The following RNF19B variants were observed in gnomAD, a reference collection of about 807,000 sequenced individuals.
RNF19B encodes the protein E3 ubiquitin-protein ligase RNF19B.
RNF19B carries 23 observed loss-of-function variants against 65.5 expected under a neutral mutation model. The ratio of observed to expected loss-of-function variants is 0.35; its 90% CI spans 0.25 to 0.50. RNF19B has a LOEUF of 0.50. RNF19B is among the 20% of genes least tolerant of loss of function. RNF19B has a pLI of 0.98. For missense variants in RNF19B, 794 were observed against 980.0 expected, an observed-to-expected ratio of 0.81 and a Z score of 2.53; for synonymous variants, 372 against 379.6, an observed-to-expected ratio of 0.98 and a Z score of 0.23.
chr1:32,934,249 A>G (rs1642062726), downstream of RNF19B, among the ~76,000 whole-genome samples: 1 of 152,198 alleles, frequency 6.6e-6, no homozygotes, highest in African/African-American at 2.4e-5. Flanking sequence ...CATTGTAGTA[A>G]AACACTGGCC....
At position 32,964,317 on chromosome 1, in the gene RNF19B, C is replaced by T; in HGVS notation, c.369G>A (p.Leu123=). ...GAEEVECPLC[L]VRLPPERAPR... ...GGGCCCGCTCAGGCGGCAGCCGCACCAGGCACAGCGGACACTCCACCTCCT... is the reference window on the plus strand; with the variant it reads ...GGGCCCGCTCAGGCGGCAGCCGCACTAGGCACAGCGGACACTCCACCTCCT... The change falls in exon 1 of 9, where the codon CTG becomes CTA. Residue 123 remains leucine, a synonymous_variant. Transcript: ENST00000235150. This position sits in a 1 kb window ranked among gnomAD's most constrained non-coding sequence, Gnocchi z 6.5. The T allele has an allele frequency of 6.6e-7, 1 of 1,509,898 alleles. No homozygotes were observed. The highest frequency in any genetic ancestry group is 8.8e-7 in the Non-Finnish European group (1 of 1,135,290). The allele number at this position is 1,509,898 out of a possible 1,614,324, so 93.5% of individuals were successfully genotyped here.
At chr1:32,955,782 T>C (rs1642624977) in intron 1 of RNF19B, among the ~76,000 whole-genome samples, 1 of 151,200 alleles carries the variant, frequency 6.6e-6, no homozygotes, top group Non-Finnish European at 1.5e-5. Flanking sequence ...AAATACCTCA[T>C]CCTTGAAACC....
At chr1:32,949,266 T>C (rs115745080) in intron 2 of RNF19B, among the ~76,000 whole-genome samples, 1,845 of 152,336 alleles carry the variant, frequency 0.012, 36 homozygotes, top group African/African-American at 0.042. Flanking sequence ...ATGAAAGTTT[T>C]GAAAAAGCCC....
chr1:32,940,404 C>T (rs988078600), intron 7 of RNF19B, among the ~76,000 whole-genome samples: 1 of 152,152 alleles, frequency 6.6e-6, no homozygotes, highest in East Asian at 1.9e-4. Flanking sequence ...ATCCAGTCCA[C>T]CTGCCATCTG....
rs1208819805 is a variant in RNF19B, at chr1:32,964,348, C to T, written c.338G>A (p.Gly113Asp). 2.1e-6 allele frequency: 3 copies of T among 1,433,460 alleles called. No individual in the cohort carries two copies. Among genetic ancestry groups the T allele is most frequent in the South Asian group, 2.8e-5 (2 of 71,492 alleles). The allele number at this position is 1,433,460 out of a possible 1,614,324, so 88.8% of individuals were successfully genotyped here. A position where few individuals can be genotyped will look rare whatever the true frequency, so the allele number is the denominator to read the frequency against. ...DEEAAEGGGP[G>D]AEEVECPLCL... ...CAGCGGACACTCCACCTCCTCCGCG[C>T]CCGGGCCACCGCCCTCCGCCGCCTC... Residue 113 changes from glycine (G) to aspartate (D), a missense_variant, in exon 1 of 9, where the codon GGC becomes GAC. This residue lies in a region of RNF19B where 374 missense variants were observed against 423.8 expected (regional missense o/e 0.88). Transcript: ENST00000235150. This position sits in a 1 kb window ranked among gnomAD's most constrained non-coding sequence, Gnocchi z 6.5.
intron 6 of RNF19B, 48 bp from the exon 7 acceptor site, chr1:32,942,507 C>G: frequency 6.6e-7 from 1 of 1,521,530 alleles, no homozygotes; most frequent in Non-Finnish European, 9.1e-7. Flanking sequence ...AGCATCAAAA[C>G]AGTCAGTAGG....
the RNF19B span, among the ~76,000 whole-genome samples, chr1:32,930,006 T>C: frequency 1.3e-5 from 2 of 152,324 alleles, no homozygotes; most frequent in African/African-American, 4.8e-5. Flanking sequence ...ACTTTTCAAT[T>C]CCTTGCTGAA....
Position 32,964,064 on chromosome 1 carries a change from C to G in RNF19B, c.622G>C (p.Ala208Pro). Reference sequence around the variant, plus strand: ...CCCCGCGCTCACCCGCAGTCCGGGGCCGGGCACCAGCGGCAGTCGGGGTCC... The same window carrying G: ...CCCCGCGCTCACCCGCAGTCCGGGGGCGGGCACCAGCGGCAGTCGGGGTCC... ...ASDPDCRWCP[A>P]PDCGYAVIAY... Residue 208 changes from alanine (A) to proline (P), a missense_variant, in exon 1 of 9, where the codon GCC becomes CCC. Coordinates refer to ENST00000235150, the MANE Select transcript of RNF19B (RefSeq NM_001300826.2). The surrounding 1 kb of genome is among the most constrained non-coding windows in gnomAD (Gnocchi z 6.5). The G allele has an allele frequency of 6.6e-7, 1 of 1,513,938 alleles. No individual in the cohort carries two copies. Among genetic ancestry groups the G allele is most frequent in the Non-Finnish European group, 8.8e-7 (1 of 1,131,466 alleles). The allele number at this position is 1,513,938 out of a possible 1,614,324, so 93.8% of individuals were successfully genotyped here.
At chr1:32,936,024 C>T (rs1490853050), downstream of RNF19B, among the ~76,000 whole-genome samples, 3 of 152,208 alleles carry the variant, frequency 2.0e-5, no homozygotes, top group African/African-American at 7.2e-5. Flanking sequence ...GCTGGGATTA[C>T]AGGCGTGAGC....
At position 32,964,777 on chromosome 1, in the gene RNF19B, C is replaced by G; in HGVS notation, c.-92G>C. ...GCCAGCGCCCGGCCGCCGCCGACGCCGCCACCACCGCCTCAACCGCCCTCC... is the reference window on the plus strand; with the variant it reads ...GCCAGCGCCCGGCCGCCGCCGACGCGGCCACCACCGCCTCAACCGCCCTCC... On this transcript the variant is annotated 5_prime_UTR_variant, in exon 1 of 9. Transcript: ENST00000235150. The surrounding 1 kb of genome is among the most constrained non-coding windows in gnomAD (Gnocchi z 6.5). 2 of 1,170,330 alleles carry G rather than the reference C, an allele frequency of 1.7e-6. No individual in the cohort carries two copies. The highest frequency in any genetic ancestry group is 4.3e-5 in the South Asian group (2 of 46,668). The allele number at this position is 1,170,330 out of a possible 1,614,324, so 72.5% of individuals were successfully genotyped here.
downstream of RNF19B, chr1:32,936,391 G>A (rs1457573155): frequency 6.4e-6 from 1 of 156,058 alleles, no homozygotes; most frequent in Non-Finnish European, 1.4e-5. Context: ...CAAAGATGGT[G>A]CTTTGTTTCA....
downstream of RNF19B, among the ~76,000 whole-genome samples, chr1:32,934,110 T>C (rs368994965): frequency 6.6e-6 from 1 of 152,214 alleles, no homozygotes; most frequent in Non-Finnish European, 1.5e-5. Flanking sequence ...TCAGGGAACA[T>C]TCTTCCAGAA....
At chr1:32,933,384 T>G (rs547860), downstream of RNF19B, among the ~76,000 whole-genome samples, 27,207 of 151,922 alleles carry the variant, frequency 0.18, 2,943 homozygotes, top group East Asian at 0.25. Flanking sequence ...CCTCTCGAGT[T>G]GCTGGGACTA....
intron 1 of RNF19B, among the ~76,000 whole-genome samples, chr1:32,953,171 G>GC (rs1642551615): frequency 6.6e-6 from 1 of 150,808 alleles, no homozygotes; most frequent in Non-Finnish European, 1.5e-5. Flanking sequence ...GGTTGGTCTT[G>GC]CTATGTTGCC....
chr1:32,954,218 T>C (rs1441078013), intron 1 of RNF19B, among the ~76,000 whole-genome samples: 1 of 151,688 alleles, frequency 6.6e-6, no homozygotes, highest in Non-Finnish European at 1.5e-5. Context: ...AGCCCACTTT[T>C]TTTTTTTTCT....
At chr1:32,935,896 C>T (rs565641579), downstream of RNF19B, among the ~76,000 whole-genome samples, 2 of 152,072 alleles carry the variant, frequency 1.3e-5, no homozygotes, top group East Asian at 1.9e-4. Context: ...TACAGGCGTG[C>T]GCAACTACCG....
intron 3 of RNF19B, among the ~76,000 whole-genome samples, chr1:32,947,722 T>C (rs1570098812): frequency 6.6e-6 from 1 of 150,924 alleles, no homozygotes; most frequent in African/African-American, 2.4e-5. Context: ...TGCAAAAAAC[T>C]GTAAAAAGGT....
At chr1:32,957,842 G>T (rs940936123) in intron 1 of RNF19B, among the ~76,000 whole-genome samples, 13 of 152,136 alleles carry the variant, frequency 8.5e-5, no homozygotes, top group African/African-American at 3.1e-4. Context: ...TCAAAAAAAA[G>T]TTGTCTGTTG....
intron 1 of RNF19B, among the ~76,000 whole-genome samples, chr1:32,951,956 G>A (rs373789029): frequency 2.1e-5 from 3 of 141,748 alleles, no homozygotes; most frequent in South Asian, 2.3e-4. Flanking sequence ...CACCACGCCC[G>A]GCTTTTTTTT....
Sources: gnomAD v4.1 joint callset for allele counts (sites outside exome capture counted in the v4.1 genomes callset) on GRCh38, gnomAD v4.1.1 for gene constraint, gnomAD v4.1.1 regional missense constraint, Gnocchi (gnomAD v3.1) non-coding constraint, MANE v1.5 for transcripts, NCBI Gene and HGNC (gene_info 2026-07-23, HGNC 2026-07-21) for gene names.